The following WWOX variants were observed in gnomAD, a reference collection of about 807,000 sequenced individuals.
WWOX encodes WW domain containing oxidoreductase.
WWOX carries 69 observed loss-of-function variants against 46.2 expected under a neutral mutation model. The ratio of observed to expected loss-of-function variants is 1.49; its 90% confidence interval spans 1.23 to 1.82. The LOEUF (loss-of-function observed/expected upper bound fraction) is 1.82. Ranked by LOEUF, WWOX falls within the 40% of genes most tolerant of loss-of-function variation. The pLI, the probability that WWOX is intolerant of heterozygous loss-of-function variation, is 0.00. For synonymous variants in WWOX, 359 were observed against 202.6 expected, an observed-to-expected ratio of 1.77 and a Z score of -6.56; for missense variants, 919 against 542.6, an observed-to-expected ratio of 1.69 and a Z score of -6.89.
At chr16:78,756,095 G>A (rs1314595138) in intron 8 of WWOX, among the ~76,000 whole-genome samples, 2 of 152,158 alleles carry the variant, frequency 1.3e-5, no homozygotes, top group Non-Finnish European at 2.9e-5. Flanking sequence ...TTGAAAAAGG[G>A]AAGAATGATG....
At chr16:78,710,488 A>ATATATATATATATATATATATATT (rs2048418795) in intron 8 of WWOX, among the ~76,000 whole-genome samples, 4 of 133,656 alleles carry the variant, frequency 3.0e-5, no homozygotes, top group Admixed American at 7.8e-5. Context: ...ATATATATAT[A>ATATATATATATATATATATATATT]TATATATATA....
chr16:78,419,275 A>C (rs936381138), intron 6 of WWOX, among the ~76,000 whole-genome samples: 1 of 152,158 alleles, frequency 6.6e-6, no homozygotes, highest in African/African-American at 2.4e-5. Context: ...TTTTTACAGA[A>C]ATTGAAAAGC....
intron 8 of WWOX, among the ~76,000 whole-genome samples, chr16:78,905,387 T>C (rs904815741): frequency 1.3e-5 from 2 of 152,146 alleles, no homozygotes; most frequent in African/African-American, 4.8e-5. Context: ...AATTCTTATT[T>C]ATTTATTTTT....
At chr16:78,730,980 T>G (rs200558209) in intron 8 of WWOX, among the ~76,000 whole-genome samples, 1 of 152,156 alleles carries the variant, frequency 6.6e-6, no homozygotes, top group East Asian at 1.9e-4. Context: ...TAACTCAACT[T>G]ACAGTATCAA....
chr16:78,791,562 C>A (rs2050601159), intron 8 of WWOX, among the ~76,000 whole-genome samples: 1 of 152,058 alleles, frequency 6.6e-6, no homozygotes, highest in African/African-American at 2.4e-5. Flanking sequence ...CTTCGCAGGC[C>A]ATCTGAAGTT....
At chr16:78,286,931 T>G (rs957124792) in intron 5 of WWOX, among the ~76,000 whole-genome samples, 1 of 152,210 alleles carries the variant, frequency 6.6e-6, no homozygotes, top group South Asian at 2.1e-4. Context: ...ATTTTATAGT[T>G]TCTTTTCTGT....
intron 5 of WWOX, among the ~76,000 whole-genome samples, chr16:78,279,263 A>AGT (rs1352998005): frequency 6.6e-6 from 1 of 152,150 alleles, no homozygotes; most frequent in Middle Eastern, 3.4e-3. Flanking sequence ...TCTTGAAAAG[A>AGT]GTGTGTGTGT....
At chr16:78,620,002 G>A (rs1321978363) in intron 8 of WWOX, among the ~76,000 whole-genome samples, 1 of 152,152 alleles carries the variant, frequency 6.6e-6, no homozygotes, top group Non-Finnish European at 1.5e-5. Flanking sequence ...GATTAACCAA[G>A]TGAAAGAGAA....
chr16:78,364,317 A>G (rs1567526782), intron 5 of WWOX, among the ~76,000 whole-genome samples: 1 of 152,182 alleles, frequency 6.6e-6, no homozygotes, highest in African/African-American at 2.4e-5. Context: ...TTGTCTATCA[A>G]TTGGTTGGTC....
At chr16:79,089,630 A>T (rs1248330512) in intron 8 of WWOX, among the ~76,000 whole-genome samples, 1 of 152,166 alleles carries the variant, frequency 6.6e-6, no homozygotes, top group Non-Finnish European at 1.5e-5. Context: ...ACGCCCTGCT[A>T]AGGTGGCAAT....
chr16:78,781,054 C>A (rs1023650383), intron 8 of WWOX, among the ~76,000 whole-genome samples: 2 of 152,144 alleles, frequency 1.3e-5, no homozygotes, highest in Non-Finnish European at 2.9e-5. Context: ...TTTGCAGCTG[C>A]AACCTCAAAA....
At chr16:79,105,902 G>A (rs1356103623) in intron 8 of WWOX, 1 of 152,126 alleles carries the variant, frequency 6.6e-6, no homozygotes, top group Non-Finnish European at 1.5e-5. Flanking sequence ...TGAACTCCTG[G>A]ACTCAAGCGA....
At chr16:78,597,203 C>T (rs1474561384) in intron 8 of WWOX, among the ~76,000 whole-genome samples, 1 of 152,156 alleles carries the variant, frequency 6.6e-6, no homozygotes, top group Non-Finnish European at 1.5e-5. Context: ...GATCCAAAGT[C>T]CCCAGGAGCT....
rs59612285 is a variant in WWOX, at chr16:78,606,718, G to GTTTTTTTTT, written c.1056+173982_1056+173990dup. On this transcript the variant is annotated intron_variant, in intron 8 of 8. Coordinates refer to ENST00000566780, the MANE Select transcript of WWOX (RefSeq NM_016373.4). ...GAAAGGGCATTTCCCCAGAATTGCA[G>GTTTTTTTTT]TTTTTTTTTTTTTTTTTTTTTTTTA... is the stretch of plus-strand genomic sequence containing the variant. 9.3e-4 allele frequency among the ~76,000 whole-genome samples: 113 copies of GTTTTTTTTT among 121,064 alleles called. 1 individual carries two copies. Among genetic ancestry groups the GTTTTTTTTT allele is most frequent in the African/African-American group, 3.7e-3 (110 of 29,348 alleles). The allele number at this position is 121,064 out of a possible 152,430, so 79.4% of individuals were successfully genotyped here.
At chr16:78,809,171 C>A (rs1317313249) in intron 8 of WWOX, among the ~76,000 whole-genome samples, 3 of 151,972 alleles carry the variant, frequency 2.0e-5, no homozygotes, top group African/African-American at 4.8e-5. Flanking sequence ...CATAGGAGAA[C>A]TTGTGCAAAT....
chr16:78,597,949 C>T (rs900262336), intron 8 of WWOX, among the ~76,000 whole-genome samples: 4 of 151,886 alleles, frequency 2.6e-5, no homozygotes, highest in Non-Finnish European at 5.9e-5. Context: ...TCATGTTTTG[C>T]GGTATGCCCT....
chr16:78,526,919 C>T (rs901411329), intron 8 of WWOX, among the ~76,000 whole-genome samples: 4 of 152,188 alleles, frequency 2.6e-5, no homozygotes, highest in African/African-American at 7.2e-5. Context: ...AATCCCAGCA[C>T]TTTGGGAGGC....
intron 8 of WWOX, among the ~76,000 whole-genome samples, chr16:78,564,750 T>C (rs2044523859): frequency 6.6e-6 from 1 of 152,238 alleles, no homozygotes; most frequent in Admixed American, 6.5e-5. Context: ...CTCTGGCAAC[T>C]AATTTCACCT....
At chr16:79,150,775 G>A (rs1477305764) in intron 8 of WWOX, among the ~76,000 whole-genome samples, 2 of 152,132 alleles carry the variant, frequency 1.3e-5, no homozygotes, top group Admixed American at 6.6e-5. Flanking sequence ...CTGGGTAGCC[G>A]GGACTACAGG....
Sources: gnomAD v4.1 joint callset for allele counts (sites outside exome capture counted in the v4.1 genomes callset) on GRCh38, gnomAD v4.1.1 for gene constraint, MANE v1.5 for transcripts, NCBI Gene and HGNC (gene_info 2026-07-23, HGNC 2026-07-21) for gene names.